SEPTIN12: variants seen among roughly 807,000 people sequenced by gnomAD.
SEPTIN12 encodes the protein septin-12.
Under a neutral mutation model 37.7 loss-of-function variants are expected in SEPTIN12, and 42 were observed. The observed-to-expected ratio is 1.11, with a 90% CI of 0.87 to 1.44. The LOEUF is 1.44. Among genes scored for constraint, SEPTIN12 ranks in the 40% most tolerant of loss-of-function variants. The pLI, the probability that SEPTIN12 is intolerant of heterozygous loss-of-function variation, is 0.00. For missense variants in SEPTIN12, 613 were observed against 479.2 expected, an observed-to-expected ratio of 1.28 and a Z score of -2.61; for synonymous variants, 254 against 196.7, an observed-to-expected ratio of 1.29 and a Z score of -2.44.
chr16:4,783,344 A>G (rs546666867), intron 7 of SEPTIN12, 118 bp downstream of exon 7: 5 of 816,388 alleles, frequency 6.1e-6, no homozygotes, highest in Non-Finnish European at 1.1e-5. Flanking sequence ...GTAGAGAATC[A>G]TATCTGCTAG....
upstream of SEPTIN12, chr16:4,790,065 G>A (rs1484703099): frequency 1.3e-5 from 2 of 151,972 alleles, no homozygotes; most frequent in East Asian, 3.9e-4. Flanking sequence ...CAGGTACGTA[G>A]ACCATGCTGG....
chr16:4,790,971 G>A (rs886697093), upstream of SEPTIN12, among the ~76,000 whole-genome samples: 17 of 152,184 alleles, frequency 1.1e-4, no homozygotes, highest in African/African-American at 4.1e-4. Flanking sequence ...TTCAGCACGG[G>A]GGCCTCTCCC....
intron 7 of SEPTIN12, among the ~76,000 whole-genome samples, chr16:4,780,542 T>C (rs77097280): frequency 0.031 from 4,714 of 152,286 alleles, 222 homozygotes; most frequent in African/African-American, 0.11. Context: ...TACCTGGCCC[T>C]TTGCAGAAAA....
At chr16:4,790,957 G>A (rs780792606), upstream of SEPTIN12, among the ~76,000 whole-genome samples, 6 of 152,216 alleles carry the variant, frequency 3.9e-5, no homozygotes, top group Non-Finnish European at 5.9e-5. Context: ...CAGCCCTTGA[G>A]GGATTCAGCA....
At chr16:4,783,885 C>G in intron 5 of SEPTIN12, 46 bp downstream of exon 5, 4 of 1,612,660 alleles carry the variant, frequency 2.5e-6, no homozygotes, top group Middle Eastern at 1.7e-4. Context: ...CTCCTCCTCC[C>G]TGCCCCGTGC....
At chr16:4,784,263 T>C in intron 4 of SEPTIN12, 195 bp from the exon 5 acceptor site, 1 of 599,058 alleles carries the variant, frequency 1.7e-6, no homozygotes, top group African/African-American at 1.8e-5. Flanking sequence ...CTCCTGCCAT[T>C]CTCGGCTTCA....
chr16:4,782,983 C>T (rs1175513941), intron 7 of SEPTIN12, among the ~76,000 whole-genome samples: 1 of 151,600 alleles, frequency 6.6e-6, no homozygotes, highest in East Asian at 1.9e-4. Flanking sequence ...TCAGCTCACT[C>T]ACTGCAACCT....
upstream of SEPTIN12, among the ~76,000 whole-genome samples, chr16:4,791,672 C>T (rs771765061): frequency 4.6e-5 from 7 of 152,144 alleles, no homozygotes; most frequent in African/African-American, 1.2e-4. Flanking sequence ...TGGGACTGGG[C>T]GGGGCTCTGT....
At chr16:4,789,305 C>A (rs554958592), upstream of SEPTIN12, among the ~76,000 whole-genome samples, 1 of 152,004 alleles carries the variant, frequency 6.6e-6, no homozygotes, top group African/African-American at 2.4e-5. Context: ...CCATGCCTGG[C>A]CTTTTTTTTT....
In SEPTIN12 at chr16:4,786,049, A is replaced by G. The variant is rs778928139; in HGVS notation, c.223T>C (p.Trp75Arg). Residue 75 changes from tryptophan to arginine, a missense_variant, in exon 3 of 10, where the codon TGG (tryptophan) becomes CGG (arginine). By Grantham distance (101) the Trp-to-Arg change is moderately radical (BLOSUM62 -3). Coordinates refer to ENST00000268231, the MANE Select transcript of SEPTIN12 (RefSeq NM_144605.5). ...CCCAAGCCCGGTGGGTTTGACTTCC[A>G]CACTTTGGACTTGAACAGCGTGTTC... ...MVNTLFKSKV[W>R]KSNPPGLGVP... 6.2e-7 allele frequency: 1 copy of G among 1,613,920 alleles called. No individual in the cohort carries two copies. Among genetic ancestry groups the G allele is most frequent in the African/African-American group, 1.3e-5 (1 of 75,004 alleles).
At chr16:4,780,209 C>T (rs984002235) in intron 7 of SEPTIN12, among the ~76,000 whole-genome samples, 3 of 151,552 alleles carry the variant, frequency 2.0e-5, no homozygotes, top group Non-Finnish European at 1.5e-5. Context: ...CGCCTCAGTC[C>T]CCTGAGGAGT....
chr16:4,787,875 T>C, intron 1 of SEPTIN12: 1 of 534,546 alleles, frequency 1.9e-6, no homozygotes, highest in Non-Finnish European at 3.4e-6. Context: ...TCAACACCCA[T>C]CCAGAGAGGC....
intron 4 of SEPTIN12, chr16:4,785,604 T>A: frequency 7.3e-6 from 4 of 544,782 alleles, no homozygotes; most frequent in Middle Eastern, 5.0e-4. Flanking sequence ...TGAAACCCCA[T>A]CTCAACTAAA....
chr16:4,779,473 T>C (rs1158203346), intron 8 of SEPTIN12, among the ~76,000 whole-genome samples: 1 of 152,208 alleles, frequency 6.6e-6, no homozygotes, highest in African/African-American at 2.4e-5. Flanking sequence ...AGGAAGTTGA[T>C]GCACTGTGAT....
chr16:4,791,507 T>C (rs1347753072), upstream of SEPTIN12, among the ~76,000 whole-genome samples: 2 of 152,176 alleles, frequency 1.3e-5, no homozygotes, highest in Non-Finnish European at 2.9e-5. Context: ...ATACCCATTT[T>C]ACAGATGAGT....
intron 4 of SEPTIN12, among the ~76,000 whole-genome samples, chr16:4,785,163 T>C (rs1371942891): frequency 1.3e-5 from 2 of 151,800 alleles, no homozygotes; most frequent in African/African-American, 2.4e-5. Flanking sequence ...GGCAGGAGAA[T>C]TGCTTGAACC....
Position 4,788,311 on chromosome 16 carries a change from G to A in SEPTIN12, c.-54C>T, listed in dbSNP as rs1344804037. 6.5e-6 allele frequency: 1 copy of A among 153,540 alleles called. No individual in the cohort carries two copies. Among genetic ancestry groups the A allele is most frequent in the Admixed American group, 6.5e-5 (1 of 15,404 alleles). The allele number at this position is 153,540 out of a possible 1,614,324, so 9.5% of individuals were successfully genotyped here. A position where few individuals can be genotyped will look rare whatever the true frequency, so the allele number is the denominator to read the frequency against. On this transcript the variant is annotated 5_prime_UTR_variant, in exon 1 of 10. Transcript: ENST00000268231. ...GACGTGGGTCCTGGTGGAGCTTCCAGGAGCTGCCTTGTCCTGGCAGGGCCT... is the reference window on the plus strand; with the variant it reads ...GACGTGGGTCCTGGTGGAGCTTCCAAGAGCTGCCTTGTCCTGGCAGGGCCT...
At chr16:4,786,271 C>G (rs186862473) in intron 2 of SEPTIN12, among the ~76,000 whole-genome samples, 166 bp from the exon 3 acceptor site, 10 of 151,804 alleles carry the variant, frequency 6.6e-5, no homozygotes, top group African/African-American at 2.4e-4. Flanking sequence ...CCTTCCCAGA[C>G]TCTAGTGATT....
rs748471834 is a variant in SEPTIN12, at chr16:4,783,760, C to T, written c.519G>A (p.Arg173=). ...GCTGCAGGAACTCAATGTCCAGGGGCCGCAGGCTGCCGGAGGCAGGGCAGT... is the reference window on the plus strand; with the variant it reads ...GCTGCAGGAACTCAATGTCCAGGGGTCGCAGGCTGCCGGAGGCAGGGCAGT... ...YFVPPTGHCL[R]PLDIEFLQRL... The change falls in exon 6 of 10, where the codon CGG becomes CGA. Residue 173 remains arginine (R), a synonymous_variant. Coordinates refer to ENST00000268231, the MANE Select transcript of SEPTIN12 (RefSeq NM_144605.5). 30 of 1,613,526 alleles carry T rather than the reference C, an allele frequency of 1.9e-5. No homozygotes were observed. The highest frequency in any genetic ancestry group is 2.5e-5 in the Non-Finnish European group (30 of 1,179,856).
Sources: allele counts gnomAD v4.1 joint callset (sites outside exome capture counted in the v4.1 genomes callset), GRCh38; gene constraint gnomAD v4.1.1; transcripts MANE v1.5; gene names NCBI Gene and HGNC (gene_info 2026-07-23, HGNC 2026-07-21).